The following TRNT1 variants were observed in gnomAD, a reference collection of about 807,000 sequenced individuals.
The protein encoded by TRNT1 is tRNA nucleotidyl transferase 1, also known as CCA tRNA nucleotidyltransferase 1, mitochondrial.
Under a neutral mutation model 45.6 loss-of-function variants are expected in TRNT1, and 44 were observed. That is an observed-to-expected ratio of 0.97 (90% CI 0.76 to 1.24). The LOEUF is 1.24. Ranked by LOEUF, TRNT1 falls within the 50% of genes most tolerant of loss-of-function variation. The pLI is 0.00. For synonymous variants in TRNT1, 201 were observed against 171.4 expected (o/e 1.17, Z -1.35); for missense variants, 633 against 504.4 (o/e 1.25, Z -2.44).
In TRNT1 at chr3:3,144,620, A is replaced by T. The variant is rs984896503; in HGVS notation, c.518A>T (p.Tyr173Phe). 8.2e-6 allele frequency: 13 copies of T among 1,587,218 alleles called. No individual in the cohort carries two copies. The highest frequency in any genetic ancestry group is 1.0e-5 in the Non-Finnish European group (12 of 1,160,496). Residue 173 changes from tyrosine to phenylalanine, a missense_variant, in exon 5 of 8, where the codon TAT (tyrosine) becomes TTT (phenylalanine). By Grantham distance (22) the Tyr-to-Phe change is conservative. Transcript: ENST00000251607. ...DGTLFDYFNG[Y>F]EDLKNKKVRF... ...ACTTTATTTGACTACTTTAATGGTT[A>T]TGAAGATTTAAAAAATAAGAAAGTT...
At position 3,148,340 on chromosome 3, in the gene TRNT1, T is replaced by C; in HGVS notation, c.*186T>C. ...AAACAGAGATCCACCTTTCTGGATCTGATTTATATCACTGAAATGTACAGT... is the reference window on the plus strand; with the variant it reads ...AAACAGAGATCCACCTTTCTGGATCCGATTTATATCACTGAAATGTACAGT... On this transcript the variant is annotated 3_prime_UTR_variant, in exon 8 of 8. Transcript: ENST00000251607. 2 of 579,716 alleles carry C rather than the reference T, an allele frequency of 3.4e-6. No homozygotes were observed. The highest frequency in any genetic ancestry group is 3.1e-5 in the East Asian group (1 of 32,244). 35.9% of individuals were successfully genotyped at this position (579,716 alleles called of 1,614,324 possible). A position where few individuals can be genotyped will look rare whatever the true frequency, so the allele number is the denominator to read the frequency against.
chr3:3,152,302 GC>G (rs1024551416), downstream of TRNT1, among the ~76,000 whole-genome samples: 1 of 151,550 alleles, frequency 6.6e-6, no homozygotes, highest in Non-Finnish European at 1.5e-5. Context: ...ACAGACCCCT[GC>G]CCCCATACCC....
downstream of TRNT1, among the ~76,000 whole-genome samples, chr3:3,152,302 G>GC (rs1024551416): frequency 4.0e-5 from 6 of 151,550 alleles, no homozygotes; most frequent in African/African-American, 1.5e-4. Context: ...ACAGACCCCT[G>GC]CCCCCATACC....
rs758588985 is a variant in TRNT1, at chr3:3,148,473, A to G, written c.*319A>G. 5.7e-6 allele frequency: 1 copy of G among 176,160 alleles called. No homozygotes were observed. Among genetic ancestry groups the G allele is most frequent in the Non-Finnish European group, 1.2e-5 (1 of 83,558 alleles). 10.9% of individuals were successfully genotyped at this position (176,160 alleles called of 1,614,324 possible). ...TTGCATAGGGTAGTACTAAGATCTT[A>G]AAAAGTGGTAACTGTCTTGAAGAAA... On this transcript the variant is annotated 3_prime_UTR_variant, in exon 8 of 8. Transcript: ENST00000251607.
chr3:3,136,670 T>C (rs766754955), intron 2 of TRNT1: 10 of 435,544 alleles, frequency 2.3e-5, no homozygotes, highest in Middle Eastern at 8.0e-4. Flanking sequence ...TTTTTTTTTT[T>C]TTGAGATAAG....
intron 2 of TRNT1, chr3:3,130,776 C>T (rs1023247040): frequency 1.3e-5 from 2 of 152,106 alleles, no homozygotes; most frequent in Non-Finnish European, 2.9e-5. Context: ...GTGTCTCCCA[C>T]CTGTAATCCT....
chr3:3,147,424 G>A (rs1164864754), intron 6 of TRNT1, 26 bp from the exon 7 acceptor site: 1 of 1,607,340 alleles, frequency 6.2e-7, no homozygotes, highest in African/African-American at 1.3e-5. Flanking sequence ...ACTAAAAACA[G>A]GTGAAAAATG....
At chr3:3,134,908 A>G (rs770016452) in intron 2 of TRNT1, among the ~76,000 whole-genome samples, 15 of 152,152 alleles carry the variant, frequency 9.9e-5, no homozygotes, top group Non-Finnish European at 1.9e-4. Context: ...CCTTACCTTC[A>G]GGTGAGGCTT....
chr3:3,127,377 G>C (rs1183353741), intron 1 of TRNT1: 1 of 152,238 alleles, frequency 6.6e-6, no homozygotes, highest in Admixed American at 6.5e-5. Flanking sequence ...GGGTCTTTCC[G>C]CCCCACGTGG....
At chr3:3,152,348 T>C (rs972600250), downstream of TRNT1, 2 of 1,222,128 alleles carry the variant, frequency 1.6e-6, no homozygotes, top group Non-Finnish European at 2.4e-6. Flanking sequence ...CATTTGTCTG[T>C]CTACTTTTTA....
At position 3,148,092 on chromosome 3, in the gene TRNT1, T is replaced by TG. The variant is rs1706185072; in HGVS notation, c.1245dup (p.Lys416GlufsTer11). On this transcript the variant is annotated frameshift_variant, in exon 8 of 8. Coordinates refer to ENST00000251607, the MANE Select transcript of TRNT1 (RefSeq NM_182916.3). LOFTEE classifies it high-confidence loss of function. ...TCTATTACAACAGTTGCGAGAACAGTGGAAAAAAAGTGGTTACCAAATGGA... is the reference window on the plus strand; with the variant it reads ...TCTATTACAACAGTTGCGAGAACAGTGGGAAAAAAAGTGGTTACCAAATGGA... 1 of 1,613,640 alleles carries TG rather than the reference T, an allele frequency of 6.2e-7. No homozygotes were observed. The highest frequency in any genetic ancestry group is 1.3e-5 in the African/African-American group (1 of 74,942).
chr3:3,151,152 G>C, downstream of TRNT1: 1 of 1,168,936 alleles, frequency 8.6e-7, no homozygotes, highest in Non-Finnish European at 1.2e-6. Flanking sequence ...CTAAGGATTA[G>C]AGATTCTAAG....
At chr3:3,150,277 C>A (rs942117489), downstream of TRNT1, 1 of 152,070 alleles carries the variant, frequency 6.6e-6, no homozygotes, top group Admixed American at 6.5e-5. Context: ...TTCGTGGGCT[C>A]AAAAAACTGC....
At chr3:3,150,260 A>G (rs946742138), downstream of TRNT1, 2 of 152,628 alleles carry the variant, frequency 1.3e-5, no homozygotes, top group African/African-American at 4.8e-5. Context: ...AAAGGAAATG[A>G]CAACTATTCG....
At chr3:3,135,912 C>A (rs1309038419) in intron 2 of TRNT1, among the ~76,000 whole-genome samples, 4 of 152,108 alleles carry the variant, frequency 2.6e-5, no homozygotes, top group Non-Finnish European at 5.9e-5. Flanking sequence ...AGTAAGAGGG[C>A]TTTAGAAATG....
chr3:3,127,211 C>T (rs1559209986), intron 1 of TRNT1: 3 of 152,364 alleles, frequency 2.0e-5, no homozygotes, highest in Non-Finnish European at 4.4e-5. Flanking sequence ...CCTTGGCTTC[C>T]CTCAGCACTT....
At chr3:3,135,953 TCATTTTGGAGAG>T in intron 2 of TRNT1, among the ~76,000 whole-genome samples, 1 of 152,156 alleles carries the variant, frequency 6.6e-6, no homozygotes, top group Non-Finnish European at 1.5e-5. Context: ...TTGTATTGGG[TCATTTTGGAGAG>T]CATTTAAGGT....
intron 4 of TRNT1, among the ~76,000 whole-genome samples, chr3:3,141,259 ACTT>A (rs1222417201): frequency 3.9e-5 from 6 of 152,208 alleles, no homozygotes; most frequent in Non-Finnish European, 7.3e-5. Flanking sequence ...GTCAGTGCTA[ACTT>A]CTTAACTGCA....
chr3:3,130,117 AT>A, intron 2 of TRNT1: 1 of 701,824 alleles, frequency 1.4e-6, no homozygotes, highest in Non-Finnish European at 2.3e-6. Flanking sequence ...ACACAGTAGC[AT>A]TACAAAGCCT....
Sources: allele counts gnomAD v4.1 joint callset (sites outside exome capture counted in the v4.1 genomes callset), GRCh38; gene constraint gnomAD v4.1.1; transcripts MANE v1.5; gene names NCBI Gene and HGNC (gene_info 2026-07-23, HGNC 2026-07-21).